The following NRG3 variants were observed in gnomAD, a reference collection of about 807,000 sequenced individuals.
NRG3 encodes pro-neuregulin-3, membrane-bound isoform.
In NRG3, 31 loss-of-function variants were observed where a neutral mutation model predicts 66.9. That is an observed-to-expected ratio of 0.46 (90% CI 0.35 to 0.63). The LOEUF is 0.63. NRG3 is among the 20% of genes least tolerant of loss of function. NRG3 has a pLI of 0.00. For synonymous variants in NRG3, 393 were observed against 359.4 expected, an observed-to-expected ratio of 1.09 and a Z score of -1.06; for missense variants, 910 against 878.9, an observed-to-expected ratio of 1.04 and a Z score of -0.45.
chr10:82,170,554 G>A (rs550938718), intron 1 of NRG3, among the ~76,000 whole-genome samples: 8 of 150,074 alleles, frequency 5.3e-5, no homozygotes, highest in Non-Finnish European at 8.9e-5. Flanking sequence ...TTTATTAGTT[G>A]TTTGACCTTG....
At chr10:82,894,415 A>G (rs754647190) in intron 4 of NRG3, among the ~76,000 whole-genome samples, 17 of 152,214 alleles carry the variant, frequency 1.1e-4, no homozygotes, top group Non-Finnish European at 1.5e-5. Context: ...AGTGGGGACC[A>G]ATAGTTTTAA....
chr10:82,836,616 G>T (rs1245397992), intron 3 of NRG3, among the ~76,000 whole-genome samples: 1 of 151,802 alleles, frequency 6.6e-6, no homozygotes, highest in Admixed American at 6.6e-5. Flanking sequence ...ATTTTATTAG[G>T]TATTGTAAGT....
chr10:82,624,902 A>T (rs1405090749), intron 2 of NRG3, among the ~76,000 whole-genome samples: 1 of 145,912 alleles, frequency 6.9e-6, no homozygotes, highest in African/African-American at 2.5e-5. Flanking sequence ...GATAAATATA[A>T]ATATATATAT....
chr10:82,953,215 G>A (rs912438227), intron 5 of NRG3, among the ~76,000 whole-genome samples: 18 of 151,964 alleles, frequency 1.2e-4, no homozygotes, highest in African/African-American at 4.4e-4. Flanking sequence ...GGCTTCTTAT[G>A]TGTTAGCTTC....
At chr10:82,532,474 T>C (rs1391500486) in intron 2 of NRG3, among the ~76,000 whole-genome samples, 1 of 148,612 alleles carries the variant, frequency 6.7e-6, no homozygotes, top group Non-Finnish European at 1.5e-5. Context: ...GATTACTATA[T>C]ATATAGTACT....
chr10:82,291,444 A>G (rs2079742441), intron 1 of NRG3, among the ~76,000 whole-genome samples: 2 of 152,222 alleles, frequency 1.3e-5, no homozygotes, highest in Non-Finnish European at 2.9e-5. Context: ...TCCTATAAAA[A>G]TCTTAGCAAG....
At chr10:82,089,588 T>G (rs2065914715) in intron 1 of NRG3, among the ~76,000 whole-genome samples, 1 of 152,156 alleles carries the variant, frequency 6.6e-6, no homozygotes, top group Non-Finnish European at 1.5e-5. Flanking sequence ...TGCCTGACAG[T>G]TGTCATGGCA....
chr10:82,092,794 G>A (rs966314328), intron 1 of NRG3, among the ~76,000 whole-genome samples: 1 of 152,186 alleles, frequency 6.6e-6, no homozygotes, highest in Non-Finnish European at 1.5e-5. Flanking sequence ...CAGTGTAAAA[G>A]ATCCAGGTTC....
chr10:82,107,063 C>T (rs2067111942), intron 1 of NRG3, among the ~76,000 whole-genome samples: 1 of 152,152 alleles, frequency 6.6e-6, no homozygotes, highest in African/African-American at 2.4e-5. Context: ...AACATTAATA[C>T]AGGTGGATAA....
intron 1 of NRG3, among the ~76,000 whole-genome samples, chr10:82,017,866 A>G (rs2061860118): frequency 6.6e-6 from 1 of 152,102 alleles, no homozygotes; most frequent in African/African-American, 2.4e-5. Flanking sequence ...TAGATTGCAA[A>G]AATTTTCTCC....
In NRG3 at chr10:82,514,911, A is replaced by G. The variant is rs113049937; in HGVS notation, c.953+156043A>G. Among the ~76,000 whole-genome samples the G allele has an allele frequency of 1.7e-3, 252 of 152,250 alleles. 1 individual carries two copies. Among genetic ancestry groups the G allele is most frequent in the African/African-American group, 5.3e-3 (222 of 41,562 alleles). ...ATTGTTTTTCTTTTTGCCGTGTTAA[A>G]TGAGACCACTAGAATATAACCACTG... is the stretch of plus-strand genomic sequence containing the variant. On this transcript the variant is annotated intron_variant, in intron 2 of 8. Coordinates refer to ENST00000372141, the MANE Select transcript of NRG3 (RefSeq NM_001010848.4).
intron 1 of NRG3, among the ~76,000 whole-genome samples, chr10:82,040,556 A>G (rs759227982): frequency 4.6e-5 from 7 of 152,080 alleles, no homozygotes; most frequent in Non-Finnish European, 2.9e-5. Context: ...GCATTCTACA[A>G]GACCACCAGG....
intron 2 of NRG3, among the ~76,000 whole-genome samples, chr10:82,703,445 G>A (rs1191789000): frequency 1.3e-5 from 2 of 152,030 alleles, no homozygotes; most frequent in Middle Eastern, 3.2e-3. Flanking sequence ...ATCACTGTTG[G>A]GGGAACAGAC....
At chr10:82,580,366 A>T (rs908786659) in intron 2 of NRG3, among the ~76,000 whole-genome samples, 2 of 151,920 alleles carry the variant, frequency 1.3e-5, no homozygotes, top group Non-Finnish European at 2.9e-5. Context: ...ACTATTATTA[A>T]CACTTTTTAC....
At chr10:82,724,478 A>G (rs2057483227) in intron 2 of NRG3, among the ~76,000 whole-genome samples, 1 of 152,198 alleles carries the variant, frequency 6.6e-6, no homozygotes, top group Non-Finnish European at 1.5e-5. Context: ...TTGATTGTAC[A>G]ATATCCTGGG....
At chr10:82,767,779 T>G (rs1360735013) in intron 3 of NRG3, among the ~76,000 whole-genome samples, 1 of 152,132 alleles carries the variant, frequency 6.6e-6, no homozygotes, top group Non-Finnish European at 1.5e-5. Context: ...GGAATTTCCA[T>G]TACATTTTAC....
Position 82,578,738 on chromosome 10 carries a change from T to A in NRG3, c.954-159839T>A, listed in dbSNP as rs373933164. Among the ~76,000 whole-genome samples, 12 of 151,890 alleles carry A rather than the reference T, an allele frequency of 7.9e-5. No individual in the cohort carries two copies. The South Asian group carries it at 1.5e-3, about 18-fold the overall frequency. ...ATGGGACAACAGTGTGCTAAATTGT[T>A]TATGTCCATTACTTTGCTTAACTTA... On this transcript the variant is annotated intron_variant, in intron 2 of 8. Transcript: ENST00000372141.
chr10:82,657,837 A>T (rs2051997480), intron 2 of NRG3, among the ~76,000 whole-genome samples: 1 of 152,022 alleles, frequency 6.6e-6, no homozygotes, highest in African/African-American at 2.4e-5. Flanking sequence ...GAAAAAATAG[A>T]TAAGATAAAT....
intron 2 of NRG3, among the ~76,000 whole-genome samples, chr10:82,460,461 G>C (rs373895271): frequency 6.6e-6 from 1 of 152,158 alleles, no homozygotes. Flanking sequence ...AATTTATGAT[G>C]AATATTATTA....
Sources: allele counts gnomAD v4.1 joint callset (sites outside exome capture counted in the v4.1 genomes callset), GRCh38; gene constraint gnomAD v4.1.1; transcripts MANE v1.5; gene names NCBI Gene and HGNC (gene_info 2026-07-23, HGNC 2026-07-21).